The following SMYD4 variants were observed in gnomAD, a reference collection of about 807,000 sequenced individuals.
SMYD4 encodes protein-lysine N-methyltransferase SMYD4.
SMYD4 carries 68 observed loss-of-function variants against 72.8 expected under a neutral mutation model. The ratio of observed to expected loss-of-function variants is 0.93; its 90% CI spans 0.77 to 1.14. SMYD4 has a LOEUF of 1.14. Ranked by LOEUF, SMYD4 falls within the 50% of genes most tolerant of loss-of-function variation. The pLI is 0.00. For synonymous variants in SMYD4, 407 were observed against 388.6 expected (o/e 1.05, Z -0.56); for missense variants, 984 against 1,003.7 (o/e 0.98, Z 0.27).
At chr17:1,795,258 C>G (rs186176980) in intron 5 of SMYD4, among the ~76,000 whole-genome samples, 1 of 151,836 alleles carries the variant, frequency 6.6e-6, no homozygotes, top group Non-Finnish European at 1.5e-5. Context: ...CCTCCTGCCT[C>G]AGCCTTCTGT....
chr17:1,810,494 T>C (rs1292471125), intron 3 of SMYD4, among the ~76,000 whole-genome samples: 1 of 151,802 alleles, frequency 6.6e-6, no homozygotes. Context: ...CACAGCTCAC[T>C]GAAGCCTGGA....
At chr17:1,807,489 T>G (rs1350383236) in intron 3 of SMYD4, among the ~76,000 whole-genome samples, 2 of 151,304 alleles carry the variant, frequency 1.3e-5, no homozygotes, top group Non-Finnish European at 2.9e-5. Flanking sequence ...GCCTCCTGAG[T>G]AGCTGGGAGT....
intron 3 of SMYD4, among the ~76,000 whole-genome samples, chr17:1,810,697 ACCCTGGTTTGCCACGCCCC>A (rs1910287222): frequency 6.6e-6 from 1 of 152,042 alleles, no homozygotes; most frequent in Admixed American, 6.6e-5. Flanking sequence ...TTCCAAGACC[ACCCTGGTTTGCCACGCCCC>A]CCAGCCTGGG....
intron 5 of SMYD4, among the ~76,000 whole-genome samples, chr17:1,797,272 C>A (rs1909453682): frequency 6.6e-6 from 1 of 152,214 alleles, no homozygotes; most frequent in Non-Finnish European, 1.5e-5. Flanking sequence ...TTTCCTCCCT[C>A]TCAAGAGAGT....
In SMYD4 at chr17:1,799,260, C is replaced by CA. The variant is rs1282407463; in HGVS notation, c.1537+596dup. Among the ~76,000 whole-genome samples the CA allele has an allele frequency of 4.5e-3, 421 of 94,432 alleles. 1 individual carries two copies. Among genetic ancestry groups the CA allele is most frequent in the African/African-American group, 0.011 (271 of 25,222 alleles). 62.0% of individuals were successfully genotyped at this position (94,432 alleles called of 152,430 possible). ...GGGGTGACAGAGTGAGACTCCGTCTCAAAAAAAAAAAAAGAATTTTTACAA... is the reference window on the plus strand; with the variant it reads ...GGGGTGACAGAGTGAGACTCCGTCTCAAAAAAAAAAAAAAGAATTTTTACAA... On this transcript the variant is annotated intron_variant, in intron 5 of 10. Transcript: ENST00000305513.
chr17:1,822,595 G>T (rs1171125779), intron 2 of SMYD4, among the ~76,000 whole-genome samples: 2 of 152,074 alleles, frequency 1.3e-5, no homozygotes, highest in African/African-American at 4.8e-5. Flanking sequence ...TATCAGCTGG[G>T]ATTACAGGTG....
At chr17:1,827,636 C>CA (rs927866754) in intron 2 of SMYD4, among the ~76,000 whole-genome samples, 4 of 152,172 alleles carry the variant, frequency 2.6e-5, no homozygotes, top group African/African-American at 9.6e-5. Flanking sequence ...CATTTTCCAT[C>CA]AAAAAGAGAT....
chr17:1,800,230 G>A lies in SMYD4; in HGVS notation c.1164C>T (p.Val388=), dbSNP rs1348336717. ...DICLPESNNQ[V]KTLNYGLGES... The stretch of plus-strand genomic sequence containing the variant: ...CCCCTAGGCCATAATTAAGTGTCTT[G>A]ACCTGATTGTTGCTTTCAGGTAAAC... The change falls in exon 5 of 11, where the codon GTC becomes GTT. Residue 388 remains valine (V), a synonymous_variant. Transcript: ENST00000305513. 6.2e-7 allele frequency: 1 copy of A among 1,614,096 alleles called. No individual in the cohort carries two copies. Among genetic ancestry groups the A allele is most frequent in the Non-Finnish European group, 8.5e-7 (1 of 1,180,008 alleles).
Position 1,800,743 on chromosome 17 carries a change from C to T in SMYD4, c.651G>A (p.Glu217=), listed in dbSNP as rs773070664. 19 of 1,614,094 alleles carry T rather than the reference C, an allele frequency of 1.2e-5. No individual in the cohort carries two copies. The East Asian group carries it at 4.2e-4, about 36-fold the overall frequency. ...SFPAALAKTL[E]DAALREENEQ... Reference sequence around the variant, plus strand: ...CATTCTCCTCCCTCAGCGCTGCATCCTCAAGGGTTTTGGCCAGAGCTGCTG... The same window carrying T: ...CATTCTCCTCCCTCAGCGCTGCATCTTCAAGGGTTTTGGCCAGAGCTGCTG... Residue 217 remains glutamate, a synonymous_variant, in exon 5 of 11, where the codon GAG becomes GAA. Transcript: ENST00000305513.
intron 2 of SMYD4, among the ~76,000 whole-genome samples, chr17:1,827,347 A>G (rs1266388350): frequency 6.9e-6 from 1 of 145,976 alleles, no homozygotes; most frequent in Non-Finnish European, 1.5e-5. Flanking sequence ...AAGAAAAAGA[A>G]AAAAAGAAAA....
chr17:1,809,356 T>A (rs1466674241), intron 3 of SMYD4, among the ~76,000 whole-genome samples: 1 of 144,508 alleles, frequency 6.9e-6, no homozygotes, highest in East Asian at 2.0e-4. Flanking sequence ...ATTTATACAT[T>A]ATTATTATTG....
chr17:1,793,419 C>A (rs1909167288), intron 5 of SMYD4, among the ~76,000 whole-genome samples: 1 of 150,600 alleles, frequency 6.6e-6, no homozygotes, highest in Admixed American at 6.6e-5. Context: ...GCTGGTTTTG[C>A]CTGGGGCTGA....
Position 1,799,622 on chromosome 17 carries a change from C to G in SMYD4, c.1537+235G>C, listed in dbSNP as rs1266736568. Among the ~76,000 whole-genome samples the G allele has an allele frequency of 2.0e-5, 3 of 152,160 alleles. No individual in the cohort carries two copies. In the South Asian group the frequency reaches 6.2e-4, roughly 32 times the overall value. On this transcript the variant is annotated intron_variant, in intron 5 of 10. Transcript: ENST00000305513. The stretch of plus-strand genomic sequence containing the variant: ...ATCTCTGGACCTTGTGATCTGCTCA[C>G]CTCGGCCTCCCAAAGTGCTGGGATT...
chr17:1,811,841 C>T (rs1910343079), intron 3 of SMYD4, 130 bp downstream of exon 3: 2 of 921,510 alleles, frequency 2.2e-6, no homozygotes, highest in Non-Finnish European at 3.2e-6. Flanking sequence ...GTGGGAGGAT[C>T]GCTTGAACCC....
At chr17:1,794,023 G>GTGTATATATA (rs1909216356) in intron 5 of SMYD4, among the ~76,000 whole-genome samples, 1 of 88,372 alleles carries the variant, frequency 1.1e-5, no homozygotes, top group Non-Finnish European at 2.1e-5. Context: ...ATATATATGT[G>GTGTATATATA]TGTATATATA....
chr17:1,800,830 C>A lies in SMYD4; in HGVS notation c.564G>T (p.Gln188His). Residue 188 changes from glutamine to histidine, a missense_variant, in exon 5 of 11, where the codon CAG becomes CAT. Coordinates refer to ENST00000305513, the MANE Select transcript of SMYD4 (RefSeq NM_052928.3). Reference protein sequence around the residue: ...ALADVLPQTLQRNLHRLKMKM... With the variant: ...ALADVLPQTLHRNLHRLKMKM... ...TCATTTTCAGACGATGGAGGTTTCT[C>A]TGCAGAGTCTGAGGGAGGACATCTG... 5 of 1,614,198 alleles carry A rather than the reference C, an allele frequency of 3.1e-6. No homozygotes were observed. The highest frequency in any genetic ancestry group is 4.2e-6 in the Non-Finnish European group (5 of 1,180,042).
chr17:1,784,301 G>C, intron 8 of SMYD4, 25 bp downstream of exon 8: 1 of 1,613,914 alleles, frequency 6.2e-7, no homozygotes, highest in South Asian at 1.1e-5. Flanking sequence ...GGGGCTGGAG[G>C]ACCAAAGCAG....
chr17:1,825,902 G>A (rs959785729), intron 2 of SMYD4, among the ~76,000 whole-genome samples: 1 of 151,720 alleles, frequency 6.6e-6, no homozygotes, highest in African/African-American at 2.4e-5. Flanking sequence ...GGAGCTTGAG[G>A]TCAGCCTGAG....
At chr17:1,795,986 AT>A (rs1909385981) in intron 5 of SMYD4, among the ~76,000 whole-genome samples, 1 of 152,098 alleles carries the variant, frequency 6.6e-6, no homozygotes, top group Non-Finnish European at 1.5e-5. Flanking sequence ...TTTTTAAAAC[AT>A]TACATAAACA....
Sources: allele counts gnomAD v4.1 joint callset (sites outside exome capture counted in the v4.1 genomes callset), GRCh38; gene constraint gnomAD v4.1.1; transcripts MANE v1.5; gene names NCBI Gene and HGNC (gene_info 2026-07-23, HGNC 2026-07-21).